RARS2: variants seen among roughly 807,000 people sequenced by gnomAD.
RARS2 encodes the protein arginyl-tRNA synthetase 2, mitochondrial, also known as probable arginine--tRNA ligase, mitochondrial.
A neutral mutation model predicts 88.5 loss-of-function variants in RARS2; 67 were observed. The observed-to-expected ratio is 0.76, with a 90% CI of 0.62 to 0.93. The LOEUF (loss-of-function observed/expected upper bound fraction) is 0.93, where lower values mean the gene tolerates loss of function less well. RARS2 is among the 40% of genes least tolerant of loss of function. The pLI is 0.00. For synonymous variants in RARS2, 239 were observed against 230.3 expected (o/e 1.04, Z -0.34); for missense variants, 664 against 684.2 (o/e 0.97, Z 0.33).
chr6:87,566,873 A>T (rs1167812561), intron 2 of RARS2, among the ~76,000 whole-genome samples: 1 of 148,650 alleles, frequency 6.7e-6, no homozygotes, highest in Non-Finnish European at 1.5e-5. Flanking sequence ...AAAAAAAAAA[A>T]TGTGGACAAG....
chr6:87,531,984 C>A (rs918770738), intron 8 of RARS2, among the ~76,000 whole-genome samples: 35 of 151,784 alleles, frequency 2.3e-4, no homozygotes, highest in African/African-American at 8.5e-4. Flanking sequence ...GCTTCTAAAC[C>A]CTTACAATGT....
chr6:87,519,131 G>C (rs1428590880), intron 14 of RARS2: 42 of 435,132 alleles, frequency 9.7e-5, no homozygotes, highest in Non-Finnish European at 1.7e-5. Context: ...AATAAATTTG[G>C]ATTTCTGATT....
At chr6:87,583,245 A>G (rs1442521429) in intron 1 of RARS2, among the ~76,000 whole-genome samples, 1 of 152,198 alleles carries the variant, frequency 6.6e-6, no homozygotes, top group African/African-American at 2.4e-5. Context: ...TATTATCACA[A>G]CTTTTTATAA....
At chr6:87,536,480 C>CA (rs1284359298) in intron 8 of RARS2, among the ~76,000 whole-genome samples, 2 of 151,314 alleles carry the variant, frequency 1.3e-5, no homozygotes, top group African/African-American at 2.4e-5. Context: ...AGCAAAAATA[C>CA]AAAAAAATTA....
At chr6:87,532,011 G>A (rs533028874) in intron 8 of RARS2, among the ~76,000 whole-genome samples, 16 of 151,996 alleles carry the variant, frequency 1.1e-4, no homozygotes, top group Non-Finnish European at 1.8e-4. Flanking sequence ...CAAAACATCC[G>A]GACAGCAGTA....
intron 1 of RARS2, among the ~76,000 whole-genome samples, chr6:87,585,478 C>A (rs970068577): frequency 6.6e-6 from 1 of 152,154 alleles, no homozygotes; most frequent in Non-Finnish European, 1.5e-5. Flanking sequence ...CGCCTGTAAT[C>A]CCGGCACTTT....
At chr6:87,564,352 T>C (rs1767174390) in intron 2 of RARS2, 120 bp from the exon 3 acceptor site, 4 of 783,592 alleles carry the variant, frequency 5.1e-6, no homozygotes, top group South Asian at 1.5e-5. Flanking sequence ...AGGTGTTATG[T>C]GTACTTTCAA....
At chr6:87,519,184 A>ATGTGTGTG (rs374177464) in intron 14 of RARS2, 17,379 of 222,624 alleles carry the variant, frequency 0.078, 826 homozygotes, top group African/African-American at 0.14. Context: ...ATAAATATAT[A>ATGTGTGTG]TGTGTGTGTG....
At chr6:87,535,461 AC>A (rs1778824402) in intron 8 of RARS2, among the ~76,000 whole-genome samples, 1 of 152,026 alleles carries the variant, frequency 6.6e-6, no homozygotes, top group Admixed American at 6.6e-5. Flanking sequence ...TTTTTTGCCT[AC>A]TGATATGGGG....
In RARS2 at chr6:87,550,709, G is replaced by GAA. The variant is rs5878036; in HGVS notation, c.396-2065_396-2064dup. ...TTATCCCTCAATGAAGCCGATTTAA[G>GAA]AAAAAAAAAAAAAAAGAATAGAATA... On this transcript the variant is annotated intron_variant, in intron 5 of 19. Transcript: ENST00000369536. 2.2e-3 allele frequency among the ~76,000 whole-genome samples: 158 copies of GAA among 71,902 alleles called. 1 individual carries two copies. The highest frequency in any genetic ancestry group is 5.9e-3 in the African/African-American group (151 of 25,522). The allele number at this position is 71,902 out of a possible 152,430, so 47.2% of individuals were successfully genotyped here.
intron 5 of RARS2, among the ~76,000 whole-genome samples, chr6:87,549,305 G>A (rs1184903977): frequency 6.6e-6 from 1 of 151,836 alleles, no homozygotes; most frequent in Non-Finnish European, 1.5e-5. Context: ...GCAGTGAGCC[G>A]AGATCACGAC....
At chr6:87,584,624 G>C in intron 1 of RARS2, 1 of 396,340 alleles carries the variant, frequency 2.5e-6, no homozygotes, top group Non-Finnish European at 5.0e-6. Flanking sequence ...CCATTATTAA[G>C]TGCTCCATGG....
intron 4 of RARS2, among the ~76,000 whole-genome samples, chr6:87,556,530 T>C (rs1785952697): frequency 6.6e-6 from 1 of 151,936 alleles, no homozygotes; most frequent in Admixed American, 6.6e-5. Context: ...ATCACGCCTG[T>C]AACCCCAGCA....
At position 87,518,866 on chromosome 6, in the gene RARS2, T is replaced by C. The variant is rs767004280; in HGVS notation, c.1263A>G (p.Gln421=). 4.3e-6 allele frequency: 7 copies of C among 1,614,082 alleles called. No homozygotes were observed. The highest frequency in any genetic ancestry group is 1.7e-5 in the Admixed American group (1 of 60,010). ...IKTTKELKNP[Q]ETAERVGLAA... The stretch of plus-strand genomic sequence containing the variant: ...CGAGCCCGACCCTCTCTGCAGTCTC[T>C]TGTGGGTTCTTGAGTTCTTTAGTTG... The change falls in exon 15 of 20, where the codon CAA becomes CAG. Residue 421 remains glutamine (Q), a synonymous_variant. Transcript: ENST00000369536.
intron 4 of RARS2, among the ~76,000 whole-genome samples, chr6:87,556,302 T>A (rs896041674): frequency 2.0e-5 from 3 of 152,118 alleles, no homozygotes; most frequent in African/African-American, 7.2e-5. Context: ...TGCATCTATA[T>A]TTTACTTTTA....
chr6:87,536,404 A>G (rs886877528), intron 8 of RARS2, among the ~76,000 whole-genome samples: 1 of 152,132 alleles, frequency 6.6e-6, no homozygotes, highest in Non-Finnish European at 1.5e-5. Context: ...TGTGAGGCCA[A>G]GGTGGGCGGA....
At chr6:87,544,273 A>AT (rs1187891037) in intron 7 of RARS2, among the ~76,000 whole-genome samples, 1 of 152,222 alleles carries the variant, frequency 6.6e-6, no homozygotes, top group Non-Finnish European at 1.5e-5. Context: ...CTACAGGTTG[A>AT]TTTTTTAAAT....
In RARS2 at chr6:87,516,895, G is replaced by A. The variant is rs373347714; in HGVS notation, c.1512-15C>T. 3.7e-6 allele frequency: 6 copies of A among 1,613,054 alleles called. No homozygotes were observed. The highest frequency in any genetic ancestry group is 2.7e-5 in the African/African-American group (2 of 74,910). ...CCTCGTCGAACCTAAAAGATGACAG[G>A]AACAGTGAACAGGAAAAGACTGTAC... On this transcript the variant is annotated splice_polypyrimidine_tract_variant and intron_variant, in intron 17 of 19. Transcript: ENST00000369536.
At chr6:87,514,815 G>A in intron 19 of RARS2, 142 bp downstream of exon 19, 1 of 751,430 alleles carries the variant, frequency 1.3e-6, no homozygotes, top group Admixed American at 2.0e-5. Flanking sequence ...CACATTGATT[G>A]TTACAGCCTA....
Sources: gnomAD v4.1 joint callset for allele counts (sites outside exome capture counted in the v4.1 genomes callset) on GRCh38, gnomAD v4.1.1 for gene constraint, MANE v1.5 for transcripts, NCBI Gene and HGNC (gene_info 2026-07-23, HGNC 2026-07-21) for gene names.